The following MYLK variants were observed in gnomAD, a reference collection of about 807,000 sequenced individuals.
MYLK encodes the protein myosin light chain kinase.
A neutral mutation model predicts 203.4 loss-of-function variants in MYLK; 106 were observed. The ratio of observed to expected loss-of-function variants is 0.52; its 90% CI spans 0.45 to 0.61. The LOEUF (loss-of-function observed/expected upper bound fraction) is 0.61, where lower values mean the gene tolerates loss of function less well. Ranked by LOEUF, MYLK falls within the 20% of genes least tolerant of loss-of-function variation. The probability of loss-of-function intolerance (pLI) is 0.00; values close to 1 mark genes in which losing one functional copy is unlikely to be tolerated. For synonymous variants in MYLK, 867 were observed against 959.5 expected, an observed-to-expected ratio of 0.90 and a Z score of 1.78; for missense variants, 2,072 against 2,442.3, an observed-to-expected ratio of 0.85 and a Z score of 3.20.
At chr3:123,798,936 C>T (rs1029623891) in intron 3 of MYLK, among the ~76,000 whole-genome samples, 1 of 152,088 alleles carries the variant, frequency 6.6e-6, no homozygotes, top group Non-Finnish European at 1.5e-5. Context: ...CTCTCTAATC[C>T]CTTGTCAAGC....
rs142302789 is a variant in MYLK at position 123,703,844 on chromosome 3, CAG to C, written c.2391-2337_2391-2336del. Among the ~76,000 whole-genome samples, 858 of 152,352 alleles carry C rather than the reference CAG, an allele frequency of 5.6e-3. 3 individuals carry two copies. Among genetic ancestry groups the C allele is most frequent in the Middle Eastern group, 0.014 (4 of 294 alleles). On this transcript the variant is annotated intron_variant, in intron 16 of 33. Transcript: ENST00000360304. The stretch of plus-strand genomic sequence containing the variant: ...GGCAGCCCTTTCAGCATCTCCTCAG[CAG>C]AGTTTCCTCCTGTCACCAGTAGAAC...
intron 3 of MYLK, among the ~76,000 whole-genome samples, chr3:123,797,897 T>C (rs542566411): frequency 1.1e-4 from 17 of 152,298 alleles, no homozygotes; most frequent in African/African-American, 3.1e-4. Flanking sequence ...ACCCTGAATA[T>C]AGATATAGAC....
intron 4 of MYLK, among the ~76,000 whole-genome samples, chr3:123,791,139 A>C (rs561320033): frequency 3.3e-4 from 50 of 152,228 alleles, no homozygotes; most frequent in Middle Eastern, 6.8e-3. Flanking sequence ...ACCTGGAGGG[A>C]GGGGTCAGCT....
At chr3:123,654,267 C>G (rs2059321298) in intron 24 of MYLK, among the ~76,000 whole-genome samples, 1 of 152,088 alleles carries the variant, frequency 6.6e-6, no homozygotes, top group Non-Finnish European at 1.5e-5. Flanking sequence ...CCCATTGGTA[C>G]CCTAACTTTC....
At chr3:123,864,771 G>T (rs1189094342) in intron 2 of MYLK, among the ~76,000 whole-genome samples, 1 of 152,092 alleles carries the variant, frequency 6.6e-6, no homozygotes, top group Non-Finnish European at 1.5e-5. Flanking sequence ...CAGGCACGGT[G>T]GCATGTGCCT....
At chr3:123,696,545 C>T (rs1560087347) in intron 18 of MYLK, among the ~76,000 whole-genome samples, 1 of 152,012 alleles carries the variant, frequency 6.6e-6, no homozygotes, top group Admixed American at 6.6e-5. Context: ...CCACTGAGAC[C>T]CCAGCCACTC....
intron 3 of MYLK, among the ~76,000 whole-genome samples, chr3:123,800,973 T>C (rs2065176468): frequency 6.6e-6 from 1 of 152,242 alleles, no homozygotes; most frequent in African/African-American, 2.4e-5. Flanking sequence ...TATTAATTCA[T>C]TTTAAAACAT....
chr3:123,678,522 G>C lies in MYLK; in HGVS notation c.3652+3702C>G, dbSNP rs557523490. On this transcript the variant is annotated intron_variant, in intron 20 of 33. Transcript: ENST00000360304. ...ATGCTTGTCAGTGCTCAGCAGGGAG[G>C]GGGGTGTGCAGAAGAGGGAACTGGT... Among the ~76,000 whole-genome samples, 8 of 152,048 alleles carry C rather than the reference G, an allele frequency of 5.3e-5. No individual in the cohort carries two copies. In the East Asian group the frequency reaches 1.2e-3, roughly 22 times the overall value.
intron 4 of MYLK, among the ~76,000 whole-genome samples, chr3:123,761,041 G>A (rs1040412440): frequency 1.3e-5 from 2 of 152,160 alleles, no homozygotes; most frequent in Non-Finnish European, 2.9e-5. Flanking sequence ...AATAAATCTG[G>A]ATAATAAATC....
intron 20 of MYLK, among the ~76,000 whole-genome samples, chr3:123,674,031 C>T (rs1362024969): frequency 2.0e-5 from 3 of 152,146 alleles, no homozygotes; most frequent in Non-Finnish European, 4.4e-5. Context: ...TCTCTTTCCT[C>T]CATTTCCCCT....
chr3:123,780,684 C>T (rs916321567), intron 4 of MYLK, among the ~76,000 whole-genome samples: 4 of 152,174 alleles, frequency 2.6e-5, no homozygotes, highest in East Asian at 1.9e-4. Context: ...CCAGTAAACA[C>T]GTTTGCAAAT....
At chr3:123,815,657 A>T (rs2065724418) in intron 3 of MYLK, among the ~76,000 whole-genome samples, 1 of 152,118 alleles carries the variant, frequency 6.6e-6, no homozygotes, top group Admixed American at 6.6e-5. Flanking sequence ...ATGGGTCCAC[A>T]AGCACCCCAT....
intron 4 of MYLK, among the ~76,000 whole-genome samples, chr3:123,766,927 C>T (rs1191633414): frequency 6.6e-6 from 1 of 152,148 alleles, no homozygotes; most frequent in East Asian, 1.9e-4. Context: ...TTGTTGGTGG[C>T]CTGTTTGGGG....
intron 5 of MYLK, among the ~76,000 whole-genome samples, chr3:123,751,070 G>C (rs2108873369): frequency 6.6e-6 from 1 of 152,292 alleles, no homozygotes; most frequent in South Asian, 2.1e-4. Flanking sequence ...TCTCCATCTA[G>C]TGTCCCCTGA....
chr3:123,704,663 G>A (rs951711234), intron 16 of MYLK, among the ~76,000 whole-genome samples: 10 of 151,544 alleles, frequency 6.6e-5, no homozygotes, highest in African/African-American at 2.2e-4. Flanking sequence ...CAGCACTTTG[G>A]GAGGCTGAGG....
intron 30 of MYLK, among the ~76,000 whole-genome samples, chr3:123,627,378 C>T (rs374377922): frequency 1.9e-4 from 29 of 152,298 alleles, no homozygotes; most frequent in African/African-American, 5.1e-4. Flanking sequence ...ATAAAATCTC[C>T]GACAATCACT....
intron 29 of MYLK, among the ~76,000 whole-genome samples, chr3:123,635,064 A>G (rs1003172138): frequency 6.6e-6 from 1 of 152,172 alleles, no homozygotes; most frequent in Non-Finnish European, 1.5e-5. Flanking sequence ...ACATCGTCCT[A>G]TGGTGACACG....
chr3:123,802,365 C>T (rs935760170), intron 3 of MYLK, among the ~76,000 whole-genome samples: 4 of 152,220 alleles, frequency 2.6e-5, no homozygotes, highest in African/African-American at 9.6e-5. Flanking sequence ...CACCAGGCAG[C>T]CTCTCCCTCC....
chr3:123,732,803 G>C, intron 11 of MYLK, 93 bp downstream of exon 11: 1 of 1,241,920 alleles, frequency 8.1e-7, no homozygotes, highest in Non-Finnish European at 1.2e-6. Flanking sequence ...CAAGGCAGGG[G>C]GCTATAGGAG....
Sources: gnomAD v4.1 joint callset for allele counts (sites outside exome capture counted in the v4.1 genomes callset) on GRCh38, gnomAD v4.1.1 for gene constraint, MANE v1.5 for transcripts, NCBI Gene and HGNC (gene_info 2026-07-23, HGNC 2026-07-21) for gene names.